The following NAV2 variants were observed in gnomAD, a reference collection of about 807,000 sequenced individuals.
NAV2 encodes the protein helicase, APC down-regulated 1.
Under a neutral mutation model 223.2 loss-of-function variants are expected in NAV2, and 54 were observed. That is an observed-to-expected ratio of 0.24 (90% CI 0.19 to 0.30). The LOEUF (loss-of-function observed/expected upper bound fraction) is 0.30, where lower values mean the gene tolerates loss of function less well. NAV2 is among the 10% of genes least tolerant of loss of function. The probability of loss-of-function intolerance (pLI) is 1.00; values close to 1 mark genes in which losing one functional copy is unlikely to be tolerated. For missense variants in NAV2, 2,806 were observed against 3,147.5 expected (o/e 0.89, Z 2.60); for synonymous variants, 1,279 against 1,239.3 (o/e 1.03, Z -0.67).
chr11:19,602,562 C>T (rs117315130), intron 1 of NAV2, among the ~76,000 whole-genome samples: 2 of 152,154 alleles, frequency 1.3e-5, no homozygotes, highest in Non-Finnish European at 2.9e-5. Flanking sequence ...CTTAAGACAA[C>T]AGAAATTTAT....
chr11:19,418,936 CAT>C (rs1438150343), intron 1 of NAV2, among the ~76,000 whole-genome samples: 1 of 152,154 alleles, frequency 6.6e-6, no homozygotes, highest in African/African-American at 2.4e-5. Flanking sequence ...GGATTCCAGA[CAT>C]AGATGACCTG....
intron 1 of NAV2, among the ~76,000 whole-genome samples, chr11:19,390,740 A>G (rs1849215654): frequency 6.6e-6 from 1 of 152,138 alleles, no homozygotes; most frequent in Non-Finnish European, 1.5e-5. Context: ...CTCTTGGGAC[A>G]TGACCTCTAA....
At chr11:19,741,683 GTGTGTATATATATATA>G (rs1331668583) in intron 1 of NAV2, among the ~76,000 whole-genome samples, 1 of 16,810 alleles carries the variant, frequency 5.9e-5, no homozygotes, top group Non-Finnish European at 1.5e-4. Flanking sequence ...TCATGTGTGT[GTGTGTATATATATATA>G]TATATATATA....
intron 1 of NAV2, among the ~76,000 whole-genome samples, chr11:19,660,635 A>G (rs1351721304): frequency 2.6e-5 from 4 of 152,210 alleles, no homozygotes. Context: ...AACCTTTCTG[A>G]TCCCATGTCC....
chr11:20,066,584 A>G (rs2059056675), intron 20 of NAV2, among the ~76,000 whole-genome samples: 1 of 152,140 alleles, frequency 6.6e-6, no homozygotes. Flanking sequence ...ATCAGGAGGG[A>G]GGACAATGGG....
rs552978561 is a variant in NAV2, at chr11:19,777,611, G to T, written c.268-54873G>T. The T allele has an allele frequency of 1.8e-5, 8 of 441,102 alleles. No individual in the cohort carries two copies. In the East Asian group the frequency reaches 4.9e-4, roughly 27 times the overall value. The allele number at this position is 441,102 out of a possible 1,614,324, so 27.3% of individuals were successfully genotyped here. A position where few individuals can be genotyped will look rare whatever the true frequency, so the allele number is the denominator to read the frequency against. On this transcript the variant is annotated intron_variant, in intron 1 of 37. Coordinates refer to ENST00000349880, the MANE Select transcript of NAV2 (RefSeq NM_145117.5). Reference sequence around the variant, plus strand: ...ATCCCCTTTAGGAACTGGCCCGGGTGGTGGAAAGCCCCTGAAATGCATTCC... The same window carrying T: ...ATCCCCTTTAGGAACTGGCCCGGGTTGTGGAAAGCCCCTGAAATGCATTCC...
chr11:20,063,305 C>A (rs992317331), intron 20 of NAV2, among the ~76,000 whole-genome samples: 2 of 152,168 alleles, frequency 1.3e-5, no homozygotes, highest in Non-Finnish European at 2.9e-5. Flanking sequence ...CAAATGTAAT[C>A]AAATACATTT....
chr11:19,611,655 C>T (rs1429079824), intron 1 of NAV2, among the ~76,000 whole-genome samples: 2 of 152,236 alleles, frequency 1.3e-5, no homozygotes, highest in Admixed American at 1.3e-4. Flanking sequence ...CTCCAGGTCT[C>T]ACATCCAGGT....
At chr11:19,484,154 A>ACACACACG (rs1267708768) in intron 1 of NAV2, among the ~76,000 whole-genome samples, 3 of 151,776 alleles carry the variant, frequency 2.0e-5, no homozygotes, top group African/African-American at 4.8e-5. Flanking sequence ...ACACACACAC[A>ACACACACG]CACACCCCAA....
At chr11:20,107,433 C>G in intron 35 of NAV2, 1 of 548,956 alleles carries the variant, frequency 1.8e-6, no homozygotes, top group South Asian at 2.7e-5. Context: ...GAGCATCTTC[C>G]CCATAAAGCC....
chr11:19,525,284 C>G (rs549696440), intron 1 of NAV2, among the ~76,000 whole-genome samples: 47 of 152,314 alleles, frequency 3.1e-4, no homozygotes, highest in Middle Eastern at 3.4e-3. Flanking sequence ...ACGTGTTGGT[C>G]TCCAGTGGCC....
At position 20,107,057 on chromosome 11, in the gene NAV2, A is replaced by ATTTTTTTTTTTTT. The variant is rs10590815; in HGVS notation, c.6842-581_6842-569dup. Among the ~76,000 whole-genome samples, 6 of 27,254 alleles carry ATTTTTTTTTTTTT rather than the reference A, an allele frequency of 2.2e-4. 1 individual carries two copies. The highest frequency in any genetic ancestry group is 8.1e-4 in the African/African-American group (6 of 7,388). 17.9% of individuals were successfully genotyped at this position (27,254 alleles called of 152,430 possible). A position where few individuals can be genotyped will look rare whatever the true frequency, so the allele number is the denominator to read the frequency against. On this transcript the variant is annotated intron_variant, in intron 35 of 37. Transcript: ENST00000349880. ...TTTGGACTTGCAGTCATGGGCTTCCATTTTTTTTTTTTTTTTTTTTTTTTT... is the reference window on the plus strand; with the variant it reads ...TTTGGACTTGCAGTCATGGGCTTCCATTTTTTTTTTTTTTTTTTTTTTTTTTTTTTTTTTTTTT...
At chr11:19,731,499 A>G (rs2051767817) in intron 1 of NAV2, among the ~76,000 whole-genome samples, 1 of 152,252 alleles carries the variant, frequency 6.6e-6, no homozygotes, top group Non-Finnish European at 1.5e-5. Context: ...AGGCATTTGA[A>G]CAAAAGAGCA....
intron 1 of NAV2, among the ~76,000 whole-genome samples, chr11:19,548,712 CAAA>C (rs35021346): frequency 7.9e-6 from 1 of 127,000 alleles, no homozygotes; most frequent in Non-Finnish European, 1.7e-5. Flanking sequence ...ACTAAAGATA[CAAA>C]AAAAAAAAAA....
intron 1 of NAV2, among the ~76,000 whole-genome samples, chr11:19,832,142 G>T (rs1329540348): frequency 2.6e-5 from 4 of 152,206 alleles, no homozygotes; most frequent in Non-Finnish European, 4.4e-5. Context: ...GGGAGACTTT[G>T]CTTGCATCTA....
At chr11:19,843,823 C>T (rs901137231) in intron 3 of NAV2, among the ~76,000 whole-genome samples, 1 of 150,792 alleles carries the variant, frequency 6.6e-6, no homozygotes, top group Non-Finnish European at 1.5e-5. Flanking sequence ...TGAGTAGGCA[C>T]AGTTTGATAG....
chr11:19,733,728 G>T (rs903504548), intron 1 of NAV2, among the ~76,000 whole-genome samples: 1 of 152,094 alleles, frequency 6.6e-6, no homozygotes, highest in Non-Finnish European at 1.5e-5. Flanking sequence ...AGGGGAAGGC[G>T]GGCTGAAAAT....
chr11:19,504,776 CT>C (rs1236548135), intron 1 of NAV2: 15 of 152,358 alleles, frequency 9.8e-5, no homozygotes, highest in African/African-American at 3.6e-4. Flanking sequence ...GCCCCTCCCC[CT>C]GGCATGTAAG....
In NAV2 at chr11:19,603,056, G is replaced by T. The variant is rs568040980; in HGVS notation, c.76-229428G>T. Among the ~76,000 whole-genome samples, 9 of 152,286 alleles carry T rather than the reference G, an allele frequency of 5.9e-5. 1 individual carries two copies. Among genetic ancestry groups the T allele is most frequent in the African/African-American group, 2.2e-4 (9 of 41,560 alleles). On this transcript the variant is annotated intron_variant, in intron 1 of 37. Transcript: ENST00000360655. Reference sequence around the variant, plus strand: ...CACATTTCTGCTCCGTGGGCAGAGGGTTCACTGATGGCAACAGAGAGGGCT... The same window carrying T: ...CACATTTCTGCTCCGTGGGCAGAGGTTTCACTGATGGCAACAGAGAGGGCT...
Sources: gnomAD v4.1 joint callset for allele counts (sites outside exome capture counted in the v4.1 genomes callset) on GRCh38, gnomAD v4.1.1 for gene constraint, MANE v1.5 for transcripts, NCBI Gene and HGNC (gene_info 2026-07-23, HGNC 2026-07-21) for gene names.